ITGA8: variants seen among roughly 807,000 people sequenced by gnomAD.
ITGA8 encodes the protein integrin alpha-8.
Under a neutral mutation model 142.3 loss-of-function variants are expected in ITGA8, and 91 were observed. That is an observed-to-expected ratio of 0.64 (90% CI 0.54 to 0.76). The LOEUF is 0.76. Among genes scored for constraint, ITGA8 ranks in the 30% least tolerant of loss-of-function variants. ITGA8 has a pLI of 0.00. For missense variants in ITGA8, 1,406 were observed against 1,327.7 expected, an observed-to-expected ratio of 1.06 and a Z score of -0.92; for synonymous variants, 505 against 485.2, an observed-to-expected ratio of 1.04 and a Z score of -0.54.
At chr10:15,694,371 CATAT>C (rs1317715487) in intron 2 of ITGA8, among the ~76,000 whole-genome samples, 15 of 127,098 alleles carry the variant, frequency 1.2e-4, no homozygotes, top group African/African-American at 4.7e-4. Flanking sequence ...GATAATATAT[CATAT>C]ATGATAATAT....
At chr10:15,551,541 A>G (rs1014295176) in intron 26 of ITGA8, among the ~76,000 whole-genome samples, 5 of 152,102 alleles carry the variant, frequency 3.3e-5, no homozygotes, top group African/African-American at 1.2e-4. Flanking sequence ...TGGAGGTGAT[A>G]GCTACAGAAA....
chr10:15,581,571 G>T (rs1460476784), intron 23 of ITGA8, among the ~76,000 whole-genome samples: 1 of 152,150 alleles, frequency 6.6e-6, no homozygotes, highest in Non-Finnish European at 1.5e-5. Flanking sequence ...GAAAAAGGCA[G>T]GTAATCTCGT....
chr10:15,626,286 G>T (rs1004135437), intron 13 of ITGA8, among the ~76,000 whole-genome samples: 4 of 152,074 alleles, frequency 2.6e-5, no homozygotes, highest in African/African-American at 9.7e-5. Context: ...AGGCTGGAGT[G>T]CAATGGCTCA....
intron 2 of ITGA8, among the ~76,000 whole-genome samples, chr10:15,702,110 G>T (rs1444172879): frequency 1.3e-5 from 2 of 151,918 alleles, no homozygotes; most frequent in African/African-American, 4.8e-5. Context: ...AACCTTTAAA[G>T]AATATCACAG....
At chr10:15,587,700 CA>C (rs77551058) in intron 22 of ITGA8, among the ~76,000 whole-genome samples, 11,700 of 152,156 alleles carry the variant, frequency 0.077, 816 homozygotes, top group East Asian at 0.28. Flanking sequence ...TGGATATTTA[CA>C]AAATGCATTA....
chr10:15,641,546 G>C lies in ITGA8; in HGVS notation c.1399+2484C>G, dbSNP rs547121104. On this transcript the variant is annotated intron_variant, in intron 13 of 29. Coordinates refer to ENST00000378076, the MANE Select transcript of ITGA8 (RefSeq NM_003638.3). The stretch of plus-strand genomic sequence containing the variant: ...ATGAGGATCAGGGAAAAATGTTATA[G>C]AATCATGAATCACAAGATATCCATA... 1.3e-4 allele frequency among the ~76,000 whole-genome samples: 20 copies of C among 152,200 alleles called. No homozygotes were observed. The East Asian group carries it at 3.7e-3, about 28-fold the overall frequency.
chr10:15,535,466 G>A (rs1434800014), intron 27 of ITGA8, among the ~76,000 whole-genome samples: 1 of 152,184 alleles, frequency 6.6e-6, no homozygotes, highest in Admixed American at 6.5e-5. Flanking sequence ...AATCGGCACT[G>A]TGTATGTAGC....
chr10:15,535,782 C>T (rs1229622305), intron 27 of ITGA8, among the ~76,000 whole-genome samples: 2 of 152,248 alleles, frequency 1.3e-5, no homozygotes, highest in South Asian at 2.1e-4. Flanking sequence ...GCAGTGGCAA[C>T]CTGCTGGGGT....
At chr10:15,623,258 T>C (rs901721822) in intron 13 of ITGA8, among the ~76,000 whole-genome samples, 1 of 152,188 alleles carries the variant, frequency 6.6e-6, no homozygotes, top group Non-Finnish European at 1.5e-5. Flanking sequence ...AGAGCCCGAA[T>C]ACAGTAAAGT....
intron 2 of ITGA8, among the ~76,000 whole-genome samples, chr10:15,700,201 C>A (rs1207667804): frequency 6.6e-6 from 1 of 152,122 alleles, no homozygotes; most frequent in African/African-American, 2.4e-5. Context: ...GCCACTTGCC[C>A]CCACAGCACT....
At chr10:15,631,729 A>T (rs1053921105) in intron 13 of ITGA8, among the ~76,000 whole-genome samples, 2 of 151,768 alleles carry the variant, frequency 1.3e-5, no homozygotes, top group Non-Finnish European at 2.9e-5. Context: ...AAAAAAAAAA[A>T]AAAGCCATGG....
intron 13 of ITGA8, among the ~76,000 whole-genome samples, chr10:15,634,137 T>C (rs1011582703): frequency 6.6e-6 from 1 of 152,194 alleles, no homozygotes; most frequent in Non-Finnish European, 1.5e-5. Context: ...CTTTCTCTTA[T>C]CACCTTAGCA....
At chr10:15,612,925 C>G (rs996697015) in intron 15 of ITGA8, among the ~76,000 whole-genome samples, 1 of 152,184 alleles carries the variant, frequency 6.6e-6, no homozygotes, top group African/African-American at 2.4e-5. Flanking sequence ...CTTTGGGAGG[C>G]CAAGGCAGGT....
chr10:15,619,013 G>C (rs1179439472), intron 13 of ITGA8, among the ~76,000 whole-genome samples: 1 of 152,168 alleles, frequency 6.6e-6, no homozygotes, highest in Non-Finnish European at 1.5e-5. Flanking sequence ...TCAGTTACAG[G>C]TAGGAATTAG....
chr10:15,693,954 T>C (rs1293476923), intron 2 of ITGA8, among the ~76,000 whole-genome samples: 1 of 151,702 alleles, frequency 6.6e-6, no homozygotes, highest in Non-Finnish European at 1.5e-5. Flanking sequence ...TATCACAGCT[T>C]GGTATCACCA....
intron 28 of ITGA8, among the ~76,000 whole-genome samples, chr10:15,529,216 T>A (rs916038559): frequency 6.6e-6 from 1 of 152,190 alleles, no homozygotes; most frequent in Non-Finnish European, 1.5e-5. Context: ...CAAATCTTAA[T>A]TGTCACTTTC....
At chr10:15,615,942 T>C (rs964866299) in intron 14 of ITGA8, among the ~76,000 whole-genome samples, 5 of 152,272 alleles carry the variant, frequency 3.3e-5, no homozygotes, top group African/African-American at 1.2e-4. Context: ...ATGTTGTTTT[T>C]ATCCTTCTTT....
intron 15 of ITGA8, among the ~76,000 whole-genome samples, chr10:15,610,198 T>C (rs1025654718): frequency 6.6e-6 from 1 of 152,210 alleles, no homozygotes; most frequent in Non-Finnish European, 1.5e-5. Context: ...GAAAAGAGTC[T>C]GTGAAGTCAT....
chr10:15,566,748 G>A (rs1047682366), intron 25 of ITGA8, among the ~76,000 whole-genome samples: 6 of 151,510 alleles, frequency 4.0e-5, no homozygotes, highest in Non-Finnish European at 8.8e-5. Context: ...GAGACAGGTT[G>A]TTGCAGTGAG....
Sources: allele counts gnomAD v4.1 joint callset (sites outside exome capture counted in the v4.1 genomes callset), GRCh38; gene constraint gnomAD v4.1.1; transcripts MANE v1.5; gene names NCBI Gene and HGNC (gene_info 2026-07-23, HGNC 2026-07-21).